The following DPP10 variants were observed in gnomAD, a reference collection of about 807,000 sequenced individuals.
DPP10 encodes the protein dipeptidyl peptidase like 10, also known as inactive dipeptidyl peptidase 10.
DPP10 carries 33 observed loss-of-function variants against 120.9 expected under a neutral mutation model. The observed-to-expected ratio is 0.27, with a 90% CI of 0.21 to 0.37. The LOEUF (loss-of-function observed/expected upper bound fraction) is 0.37. Ranked by LOEUF, DPP10 falls within the 10% of genes least tolerant of loss-of-function variation. DPP10 has a pLI of 1.00. For missense variants in DPP10, 816 were observed against 942.8 expected, an observed-to-expected ratio of 0.87 and a Z score of 1.76; for synonymous variants, 337 against 326.1, an observed-to-expected ratio of 1.03 and a Z score of -0.36.
At chr2:115,686,449 G>A (rs2090993564) in intron 5 of DPP10, among the ~76,000 whole-genome samples, 1 of 152,062 alleles carries the variant, frequency 6.6e-6, no homozygotes, top group African/African-American at 2.4e-5. Context: ...GAGGCTCACA[G>A]GAACCTGATC....
At chr2:114,641,307 G>A (rs1270280712) in intron 1 of DPP10, among the ~76,000 whole-genome samples, 3 of 151,834 alleles carry the variant, frequency 2.0e-5, no homozygotes. Flanking sequence ...TTCCTGATAA[G>A]TCACCTTGTT....
intron 3 of DPP10, among the ~76,000 whole-genome samples, chr2:115,491,241 T>A (rs905254156): frequency 1.3e-5 from 2 of 152,126 alleles, no homozygotes; most frequent in Non-Finnish European, 2.9e-5. Flanking sequence ...CTAGAGGTAC[T>A]TAGAGCCAAT....
chr2:114,554,500 A>G (rs573395311), intron 1 of DPP10, among the ~76,000 whole-genome samples: 1 of 152,304 alleles, frequency 6.6e-6, no homozygotes, highest in Admixed American at 6.5e-5. Flanking sequence ...TAACCTACCT[A>G]TTACCTTAAA....
At chr2:115,782,147 C>T (rs1682838755) in intron 16 of DPP10, among the ~76,000 whole-genome samples, 1 of 151,894 alleles carries the variant, frequency 6.6e-6, no homozygotes, top group Admixed American at 6.6e-5. Flanking sequence ...ATAATCTCTG[C>T]AAATAGTTTC....
chr2:114,667,643 C>T (rs1026156314), intron 1 of DPP10, among the ~76,000 whole-genome samples: 3 of 152,130 alleles, frequency 2.0e-5, no homozygotes, highest in Admixed American at 6.6e-5. Context: ...AAATCCCCCT[C>T]GGGTGTACTA....
chr2:114,648,191 G>A (rs148100140), intron 1 of DPP10, among the ~76,000 whole-genome samples: 2 of 152,274 alleles, frequency 1.3e-5, no homozygotes, highest in African/African-American at 4.8e-5. Context: ...TGACACTTGA[G>A]TGACAAGGGC....
At chr2:115,725,855 G>A (rs1339586856) in intron 7 of DPP10, among the ~76,000 whole-genome samples, 1 of 152,136 alleles carries the variant, frequency 6.6e-6, no homozygotes, top group African/African-American at 2.4e-5. Flanking sequence ...TTTGTGAAAA[G>A]CAAGAGGATG....
In DPP10 at chr2:115,375,919, T is replaced by C. The variant is rs74268116; in HGVS notation, c.271+32007T>C. Among the ~76,000 whole-genome samples, 9 of 152,306 alleles carry C rather than the reference T, an allele frequency of 5.9e-5. No individual in the cohort carries two copies. The East Asian group carries it at 1.7e-3, about 29-fold the overall frequency. On this transcript the variant is annotated intron_variant, in intron 3 of 25. Coordinates refer to ENST00000410059, the MANE Select transcript of DPP10 (RefSeq NM_020868.6). ...AGACCCATTCCCCAACATGGGGGGA[T>C]TACAATTTGACATGAGATTAAGGTG...
chr2:114,994,444 T>C (rs918657792), intron 1 of DPP10, among the ~76,000 whole-genome samples: 1 of 152,160 alleles, frequency 6.6e-6, no homozygotes, highest in Non-Finnish European at 1.5e-5. Context: ...ATTGGGTATT[T>C]CTTTGATTGC....
intron 1 of DPP10, among the ~76,000 whole-genome samples, chr2:114,859,573 G>C (rs1333519766): frequency 6.6e-6 from 1 of 152,106 alleles, no homozygotes; most frequent in Non-Finnish European, 1.5e-5. Context: ...TTTAAGAATA[G>C]CAATAATATA....
chr2:115,468,753 C>G (rs1178895644), intron 3 of DPP10: 2 of 416,286 alleles, frequency 4.8e-6, no homozygotes, highest in Non-Finnish European at 9.3e-6. Flanking sequence ...CCTACTGTAG[C>G]TCCTGAGTTT....
intron 21 of DPP10, among the ~76,000 whole-genome samples, chr2:115,821,650 T>A (rs960541773): frequency 6.6e-6 from 1 of 151,976 alleles, no homozygotes; most frequent in Non-Finnish European, 1.5e-5. Context: ...ATTTCTTGTG[T>A]CTTCCATTTA....
chr2:115,345,019 G>T (rs998041914), intron 3 of DPP10, among the ~76,000 whole-genome samples: 1 of 152,098 alleles, frequency 6.6e-6, no homozygotes, highest in African/African-American at 2.4e-5. Flanking sequence ...ACCCATGAGG[G>T]CAAAGGCCAA....
intron 1 of DPP10, among the ~76,000 whole-genome samples, chr2:114,655,449 A>T (rs976329696): frequency 2.6e-5 from 4 of 152,230 alleles, no homozygotes; most frequent in African/African-American, 9.6e-5. Flanking sequence ...AGAAAAGCGC[A>T]TTTAGAAGTT....
chr2:114,454,760 C>G (rs560271706), intron 1 of DPP10, among the ~76,000 whole-genome samples: 4 of 152,222 alleles, frequency 2.6e-5, no homozygotes, highest in Admixed American at 1.3e-4. Flanking sequence ...CTTCCCTCCC[C>G]CTGCAAACAA....
chr2:114,663,660 TATATATATAGAG>T (rs1381318714), intron 1 of DPP10, among the ~76,000 whole-genome samples: 6 of 91,536 alleles, frequency 6.6e-5, no homozygotes, highest in Non-Finnish European at 7.6e-5. Context: ...TATATATATA[TATATATATAGAG>T]AGAGAGAGAG....
intron 3 of DPP10, among the ~76,000 whole-genome samples, chr2:115,382,414 G>A (rs1018534077): frequency 7.2e-5 from 11 of 152,246 alleles, no homozygotes; most frequent in South Asian, 2.1e-4. Flanking sequence ...GCCCTGCTTC[G>A]GCTCGCGCAC....
intron 1 of DPP10, among the ~76,000 whole-genome samples, chr2:115,260,945 A>G (rs2059225547): frequency 6.6e-6 from 1 of 152,210 alleles, no homozygotes; most frequent in South Asian, 2.1e-4. Flanking sequence ...ACATGGAGTT[A>G]AAACTGTGTC....
chr2:114,974,812 G>T (rs531478019), intron 1 of DPP10, among the ~76,000 whole-genome samples: 5 of 152,034 alleles, frequency 3.3e-5, no homozygotes, highest in African/African-American at 9.6e-5. Flanking sequence ...CACCTAACAA[G>T]GTATTTCTCA....
Sources: allele counts gnomAD v4.1 joint callset (sites outside exome capture counted in the v4.1 genomes callset), GRCh38; gene constraint gnomAD v4.1.1; transcripts MANE v1.5; gene names NCBI Gene and HGNC (gene_info 2026-07-23, HGNC 2026-07-21).